The following SAMD3 variants were observed in gnomAD, a reference collection of about 807,000 sequenced individuals.
SAMD3 encodes the protein sterile alpha motif domain-containing protein 3.
Under a neutral mutation model 58.5 loss-of-function variants are expected in SAMD3, and 63 were observed. That is an observed-to-expected ratio of 1.08 (90% CI 0.88 to 1.33). The LOEUF (loss-of-function observed/expected upper bound fraction) is 1.33. Ranked by LOEUF, SAMD3 falls within the 40% of genes most tolerant of loss-of-function variation. SAMD3 has a pLI of 0.00. For missense variants in SAMD3, 604 were observed against 608.4 expected, an observed-to-expected ratio of 0.99 and a Z score of 0.08; for synonymous variants, 220 against 210.3, an observed-to-expected ratio of 1.05 and a Z score of -0.40.
At chr6:130,220,379 CCA>C (rs1238511873) in intron 1 of SAMD3, among the ~76,000 whole-genome samples, 1 of 152,176 alleles carries the variant, frequency 6.6e-6, no homozygotes, top group Non-Finnish European at 1.5e-5. Flanking sequence ...TAGCAATGAG[CCA>C]GAGTCCCAGA....
intron 2 of SAMD3, among the ~76,000 whole-genome samples, chr6:130,276,045 G>C (rs1774764800): frequency 6.6e-6 from 1 of 152,156 alleles, no homozygotes; most frequent in Non-Finnish European, 1.5e-5. Flanking sequence ...ATCTAGGTGG[G>C]CTTAATGTAA....
chr6:130,145,420 T>C lies in SAMD3; in HGVS notation c.1198A>G (p.Met400Val). 6.2e-7 allele frequency: 1 copy of C among 1,608,432 alleles called. No homozygotes were observed. The highest frequency in any genetic ancestry group is 8.5e-7 in the Non-Finnish European group (1 of 1,175,784). ...AGTAAACATGTGGCTGTCATCTTCA[T>C]GTCTGTCAAAGCAAATATGTTAACA... is the stretch of plus-strand genomic sequence containing the variant. ...HYTDEDMLKY[M>V]KMTATCLLLP... The change falls in exon 11 of 12, where the codon ATG (methionine) becomes GTG (valine). Residue 400 changes from methionine to valine, a missense_variant and splice_region_variant. By Grantham distance (21) the Met-to-Val change is conservative. Transcript: ENST00000439090.
chr6:130,170,655 C>G (rs545243044), intron 8 of SAMD3, among the ~76,000 whole-genome samples: 1 of 152,114 alleles, frequency 6.6e-6, no homozygotes, highest in African/African-American at 2.4e-5. Context: ...TTGAAGAGGT[C>G]CTTCATGTCC....
At chr6:130,285,610 C>T (rs1441814989) in intron 2 of SAMD3, among the ~76,000 whole-genome samples, 1 of 152,182 alleles carries the variant, frequency 6.6e-6, no homozygotes, top group Non-Finnish European at 1.5e-5. Flanking sequence ...ATTATAGAGC[C>T]AACTAATCCA....
At chr6:130,192,043 C>T (rs964147480) in intron 5 of SAMD3, among the ~76,000 whole-genome samples, 3 of 152,210 alleles carry the variant, frequency 2.0e-5, no homozygotes, top group African/African-American at 7.2e-5. Context: ...TGCCACACTC[C>T]TGCCATGCAT....
chr6:130,179,305 C>T (rs1386498524), intron 7 of SAMD3, among the ~76,000 whole-genome samples: 1 of 152,176 alleles, frequency 6.6e-6, no homozygotes, highest in African/African-American at 2.4e-5. Context: ...CTCAGGTAGG[C>T]AGACTCAGTA....
rs145793540 is a variant in SAMD3, at chr6:130,170,149, T to C, written c.822+5692A>G. Among the ~76,000 whole-genome samples, 66 of 152,330 alleles carry C rather than the reference T, an allele frequency of 4.3e-4. 1 individual carries two copies. Among genetic ancestry groups the C allele is most frequent in the Middle Eastern group, 3.4e-3 (1 of 294 alleles). On this transcript the variant is annotated intron_variant, in intron 8 of 11. Transcript: ENST00000439090. ...GCACCTATCAACCTGTCATCTAGGT[T>C]ATAAGACCCACATGTATTAGGTGTT... is the stretch of plus-strand genomic sequence containing the variant.
intron 8 of SAMD3, among the ~76,000 whole-genome samples, chr6:130,157,311 TAA>T (rs979104915): frequency 3.3e-5 from 5 of 150,006 alleles, no homozygotes; most frequent in African/African-American, 1.2e-4. Context: ...TCAAAACCTA[TAA>T]AGTTATATAC....
intron 2 of SAMD3, among the ~76,000 whole-genome samples, chr6:130,293,601 G>A (rs988035089): frequency 7.1e-6 from 1 of 140,764 alleles, no homozygotes; most frequent in Non-Finnish European, 1.6e-5. Flanking sequence ...CCTAAGAATA[G>A]CCCCAGTGAT....
intron 2 of SAMD3, among the ~76,000 whole-genome samples, chr6:130,278,559 T>C (rs901789716): frequency 3.3e-5 from 5 of 152,192 alleles, no homozygotes; most frequent in African/African-American, 1.2e-4. Context: ...CTACAAATTA[T>C]GGCTTAGCCA....
intron 1 of SAMD3, among the ~76,000 whole-genome samples, chr6:130,221,132 G>A (rs188575469): frequency 5.9e-5 from 9 of 152,294 alleles, no homozygotes; most frequent in Middle Eastern, 6.8e-3. Context: ...GGGATTACAG[G>A]CATGAGCCAC....
chr6:130,265,759 T>G (rs1419058783), intron 2 of SAMD3, among the ~76,000 whole-genome samples: 2 of 137,856 alleles, frequency 1.5e-5, no homozygotes, highest in African/African-American at 5.5e-5. Context: ...AGTAAAGTGT[T>G]AGCCAAAACA....
intron 2 of SAMD3, among the ~76,000 whole-genome samples, chr6:130,281,681 G>T (rs933698916): frequency 5.3e-5 from 8 of 152,060 alleles, no homozygotes; most frequent in Admixed American, 2.0e-4. Flanking sequence ...CACTTTGGGA[G>T]GCCAAGGCAG....
upstream of SAMD3, among the ~76,000 whole-genome samples, chr6:130,226,691 C>T (rs1050235305): frequency 8.5e-5 from 13 of 152,168 alleles, no homozygotes; most frequent in South Asian, 4.2e-4. Context: ...TGGTGGCAGG[C>T]GCCTGTAATC....
At chr6:130,319,071 G>T (rs1440406753) in intron 1 of SAMD3, among the ~76,000 whole-genome samples, 1 of 152,032 alleles carries the variant, frequency 6.6e-6, no homozygotes, top group Non-Finnish European at 1.5e-5. Flanking sequence ...TGAAGACATG[G>T]TAATAGAAAT....
Position 130,175,992 on chromosome 6 carries a change from G to T in SAMD3, c.671C>A (p.Ala224Asp). ...AACATATTTAAAGCGATCTTTGAGG[G>T]CTCGTTTCCATAAAAACTGTAAAAT... ...DGCGFFLWKR[A>D]LKDRFKYVRR... The change falls in exon 8 of 12, where the codon GCC (alanine) becomes GAC (aspartate). Residue 224 changes from alanine to aspartate, a missense_variant. Physicochemically the swap from Ala to Asp is moderately radical, Grantham distance 126. Transcript: ENST00000439090. 6.2e-7 allele frequency: 1 copy of T among 1,612,144 alleles called. No individual in the cohort carries two copies.
downstream of SAMD3, chr6:130,143,810 TA>T (rs1468968301): frequency 6.6e-6 from 1 of 152,220 alleles, no homozygotes; most frequent in Non-Finnish European, 1.5e-5. Flanking sequence ...AAAAAGTACT[TA>T]TGCAGCCATT....
intron 1 of SAMD3, among the ~76,000 whole-genome samples, chr6:130,343,163 T>C (rs756289700): frequency 5.3e-5 from 8 of 151,818 alleles, no homozygotes; most frequent in Non-Finnish European, 1.2e-4. Context: ...CTTTTTCAAA[T>C]AATCTTTTTA....
chr6:130,236,870 T>A (rs1199118224), intron 2 of SAMD3, among the ~76,000 whole-genome samples: 1 of 152,238 alleles, frequency 6.6e-6, no homozygotes, highest in Non-Finnish European at 1.5e-5. Context: ...AGGCTTTTTA[T>A]TTTGAAAGAT....
Sources: allele counts gnomAD v4.1 joint callset (sites outside exome capture counted in the v4.1 genomes callset), GRCh38; gene constraint gnomAD v4.1.1; transcripts MANE v1.5; gene names NCBI Gene and HGNC (gene_info 2026-07-23, HGNC 2026-07-21).